The following CYP20A1 variants were observed in gnomAD, a reference collection of about 807,000 sequenced individuals.
CYP20A1 encodes cytochrome P450 family 20 subfamily A member 1, also known as cytochrome P450 20A1.
A neutral mutation model predicts 61.4 loss-of-function variants in CYP20A1; 61 were observed. That is an observed-to-expected ratio of 0.99 (90% CI 0.81 to 1.23). The LOEUF (loss-of-function observed/expected upper bound fraction) is 1.23, where lower values mean the gene tolerates loss of function less well. CYP20A1 is among the 50% of genes most tolerant of loss of function. The probability of loss-of-function intolerance (pLI) is 0.00; values close to 1 mark genes in which losing one functional copy is unlikely to be tolerated. For synonymous variants in CYP20A1, 193 were observed against 188.2 expected (o/e 1.03, Z -0.21); for missense variants, 530 against 542.4 (o/e 0.98, Z 0.23).
intron 11 of CYP20A1, 26 bp downstream of exon 11, chr2:203,292,352 G>C (rs776085637): frequency 2.8e-5 from 43 of 1,556,788 alleles, no homozygotes; most frequent in Non-Finnish European, 3.7e-5. Context: ...CATTGTATTT[G>C]TGACTGTCAG....
chr2:203,259,448 G>A (rs1208943608), intron 4 of CYP20A1, among the ~76,000 whole-genome samples: 1 of 152,092 alleles, frequency 6.6e-6, no homozygotes, highest in Non-Finnish European at 1.5e-5. Flanking sequence ...GTTTAAAAGT[G>A]TGTGGCACCT....
chr2:203,271,922 G>C (rs1394700622), intron 5 of CYP20A1, among the ~76,000 whole-genome samples: 1 of 152,056 alleles, frequency 6.6e-6, no homozygotes, highest in Non-Finnish European at 1.5e-5. Flanking sequence ...TCTACTCAGG[G>C]GGCTGAGGCT....
At chr2:203,289,022 T>C (rs1027467607) in intron 9 of CYP20A1, among the ~76,000 whole-genome samples, 2 of 152,230 alleles carry the variant, frequency 1.3e-5, no homozygotes, top group Non-Finnish European at 2.9e-5. Context: ...ATTGCCAAAT[T>C]ATGCTTCTGA....
At chr2:203,270,003 G>A (rs1240621525) in intron 5 of CYP20A1, among the ~76,000 whole-genome samples, 4 of 151,930 alleles carry the variant, frequency 2.6e-5, no homozygotes, top group African/African-American at 7.3e-5. Context: ...TATAATCCTT[G>A]CACTTTGGGA....
Position 203,252,069 on chromosome 2 carries a change from T to G in CYP20A1, c.392T>G (p.Val131Gly). Residue 131 changes from valine to glycine, a missense_variant, in exon 4 of 13, where the codon GTG becomes GGG. Val to Gly is a moderately radical substitution (Grantham distance 109, BLOSUM62 -3). Transcript: ENST00000356079. ...AGGAAAAAATTGTATGAAAATGGTG[T>G]GACTGATTCTCTGAAGAGTAACTTT... ...HMRKKLYENGVTDSLKSNFAL... is the reference protein window; with the variant it reads ...HMRKKLYENGGTDSLKSNFAL... The G allele has an allele frequency of 6.2e-7, 1 of 1,609,514 alleles. No individual in the cohort carries two copies. Among genetic ancestry groups the G allele is most frequent in the Non-Finnish European group, 8.5e-7 (1 of 1,177,600 alleles).
chr2:203,244,732 CTTT>C lies in CYP20A1; in HGVS notation c.73-1098_73-1096del, dbSNP rs35996822. Among the ~76,000 whole-genome samples the C allele has an allele frequency of 1.6e-3, 191 of 123,164 alleles. 1 individual carries two copies. The highest frequency in any genetic ancestry group is 1.6e-3 in the South Asian group (6 of 3,870). 80.8% of individuals were successfully genotyped at this position (123,164 alleles called of 152,430 possible). On this transcript the variant is annotated intron_variant, in intron 1 of 12. Coordinates refer to ENST00000356079, the MANE Select transcript of CYP20A1 (RefSeq NM_177538.3). ...GAATAATATCCTGAATGAAATAATT[CTTT>C]TTTTTTTTTTTTTTTGAGACGGAGT... is the stretch of plus-strand genomic sequence containing the variant.
chr2:203,247,274 G>T (rs6737353), intron 3 of CYP20A1, among the ~76,000 whole-genome samples: 1 of 151,892 alleles, frequency 6.6e-6, no homozygotes, highest in African/African-American at 2.4e-5. Context: ...AATAAAAAAA[G>T]AATTAATGTT....
chr2:203,300,498 T>C lies in CYP20A1; in HGVS notation c.*3590T>C, dbSNP rs923274426. ...CTATCAAATGGGTTTTTAATTGATATTGAAGTAAGTAAGTTTTGTAGCTTT... is the reference window on the plus strand; with the variant it reads ...CTATCAAATGGGTTTTTAATTGATACTGAAGTAAGTAAGTTTTGTAGCTTT... On this transcript the variant is annotated 3_prime_UTR_variant, in exon 13 of 13. Coordinates refer to ENST00000356079, the MANE Select transcript of CYP20A1 (RefSeq NM_177538.3). 1.3e-5 allele frequency among the ~76,000 whole-genome samples: 2 copies of C among 152,350 alleles called. No homozygotes were observed. Among genetic ancestry groups the C allele is most frequent in the Non-Finnish European group, 1.5e-5 (1 of 68,034 alleles).
intron 3 of CYP20A1, among the ~76,000 whole-genome samples, chr2:203,248,608 C>T (rs1288822582): frequency 6.6e-6 from 1 of 151,882 alleles, no homozygotes; most frequent in Non-Finnish European, 1.5e-5. Context: ...AGAAGACAAA[C>T]CAAATATGTA....
intron 1 of CYP20A1, 146 bp downstream of exon 1, chr2:203,239,280 C>CCGGTG: frequency 1.4e-6 from 1 of 695,048 alleles, no homozygotes; most frequent in Admixed American, 2.5e-5. Context: ...AGCGCGGGGA[C>CCGGTG]CGCACCCGGA....
chr2:203,278,681 A>G lies in CYP20A1; in HGVS notation c.788A>G (p.Asp263Gly). 1 of 1,513,590 alleles carries G rather than the reference A, an allele frequency of 6.6e-7. No homozygotes were observed. The highest frequency in any genetic ancestry group is 1.2e-5 in the South Asian group (1 of 81,804). 93.8% of individuals were successfully genotyped at this position (1,513,590 alleles called of 1,614,324 possible). The change falls in exon 7 of 13, where the codon GAC (aspartate) becomes GGC (glycine). Residue 263 changes from aspartate (D) to glycine (G), a missense_variant. Coordinates refer to ENST00000356079, the MANE Select transcript of CYP20A1 (RefSeq NM_177538.3). Reference sequence around the variant, plus strand: ...TCCTTAGTACAAGGGAACCTTAATGACCAACAGGTGATATAATTGTTAAAT... The same window carrying G: ...TCCTTAGTACAAGGGAACCTTAATGGCCAACAGGTGATATAATTGTTAAAT... ...IDSLVQGNLN[D>G]QQILEDSMIF...
rs748150884 is a variant in CYP20A1 at position 203,292,293 on chromosome 2, T to C, written c.1115T>C (p.Leu372Pro). 2 of 1,613,574 alleles carry C rather than the reference T, an allele frequency of 1.2e-6. No individual in the cohort carries two copies. The highest frequency in any genetic ancestry group is 1.7e-5 in the Admixed American group (1 of 59,998). The change falls in exon 11 of 13, where the codon CTT (leucine) becomes CCT (proline). Residue 372 changes from leucine to proline, a missense_variant. Coordinates refer to ENST00000356079, the MANE Select transcript of CYP20A1 (RefSeq NM_177538.3). ...TLVLYALGVV[L>P]QDPNTWPSPH... ...GTCCTTTATGCCCTTGGTGTGGTAC[T>C]TCAGGATCCTAATACTTGGCCATCT...
Position 203,297,167 on chromosome 2 carries a change from G to A in CYP20A1, c.*259G>A, listed in dbSNP as rs2068839090. On this transcript the variant is annotated 3_prime_UTR_variant, in exon 13 of 13. Coordinates refer to ENST00000356079, the MANE Select transcript of CYP20A1 (RefSeq NM_177538.3). ...TTATTTTTGTTTTTTCACTTTCTAT[G>A]CCATTATTTTTGTATTCTTTTTCTT... The A allele has an allele frequency of 4.3e-6, 1 of 233,908 alleles. No individual in the cohort carries two copies. The allele number at this position is 233,908 out of a possible 1,614,324, so 14.5% of individuals were successfully genotyped here. A position where few individuals can be genotyped will look rare whatever the true frequency, so the allele number is the denominator to read the frequency against.
chr2:203,252,585 G>A (rs2066733357), intron 4 of CYP20A1, among the ~76,000 whole-genome samples: 2 of 151,978 alleles, frequency 1.3e-5, no homozygotes, highest in Admixed American at 1.3e-4. Flanking sequence ...AGTAGAGGCA[G>A]GGTTTCACCA....
chr2:203,270,796 C>T (rs1575219428), intron 5 of CYP20A1, among the ~76,000 whole-genome samples: 2 of 146,476 alleles, frequency 1.4e-5, no homozygotes, highest in Admixed American at 1.4e-4. Context: ...CTTCACCTCC[C>T]AGACTCAAGC....
intron 8 of CYP20A1, among the ~76,000 whole-genome samples, chr2:203,283,423 G>A (rs552366277): frequency 1.5e-3 from 228 of 151,496 alleles, no homozygotes; most frequent in African/African-American, 5.3e-3. Context: ...TCACTGTGTT[G>A]GCCAGGCTGA....
At chr2:203,257,499 T>A (rs115675701) in intron 4 of CYP20A1, among the ~76,000 whole-genome samples, 5,714 of 150,956 alleles carry the variant, frequency 0.038, 349 homozygotes, top group African/African-American at 0.13. Context: ...CATTAAAAAA[T>A]TTTTTTTTTG....
intron 4 of CYP20A1, among the ~76,000 whole-genome samples, chr2:203,263,434 CGCCTGCCACCAG>C (rs1055966518): frequency 7.2e-5 from 11 of 151,748 alleles, no homozygotes; most frequent in Non-Finnish European, 1.5e-4. Flanking sequence ...GGATTACAGG[CGCCTGCCACCAG>C]GCCTGGCTAA....
chr2:203,261,865 T>A (rs990139194), intron 4 of CYP20A1, among the ~76,000 whole-genome samples: 2 of 151,942 alleles, frequency 1.3e-5, no homozygotes, highest in Non-Finnish European at 2.9e-5. Context: ...AAGCTGTTCG[T>A]GGAGAGGTGT....
Sources: gnomAD v4.1 joint callset for allele counts (sites outside exome capture counted in the v4.1 genomes callset) on GRCh38, gnomAD v4.1.1 for gene constraint, MANE v1.5 for transcripts, NCBI Gene and HGNC (gene_info 2026-07-23, HGNC 2026-07-21) for gene names.